Variants in RPS6KC1 observed in about 807,000 individuals in gnomAD.
RPS6KC1 encodes the protein ribosomal protein S6 kinase C1, also known as inactive ribosomal protein S6 kinase delta-1.
In RPS6KC1, 54 loss-of-function variants were observed where a neutral mutation model predicts 103.8. The observed-to-expected ratio is 0.52, with a 90% CI of 0.42 to 0.65. The LOEUF (loss-of-function observed/expected upper bound fraction) is 0.65. Among genes scored for constraint, RPS6KC1 ranks in the 30% least tolerant of loss-of-function variants. RPS6KC1 has a pLI of 0.00. For synonymous variants in RPS6KC1, 439 were observed against 438.7 expected, an observed-to-expected ratio of 1.00 and a Z score of -0.01; for missense variants, 1,151 against 1,253.8, an observed-to-expected ratio of 0.92 and a Z score of 1.24.
the RPS6KC1 span, among the ~76,000 whole-genome samples, chr1:213,316,886 T>C: frequency 6.2e-4 from 95 of 152,254 alleles, no homozygotes; most frequent in African/African-American, 1.9e-3. Flanking sequence ...AGGCATGTGC[T>C]TGGTGTTATC....
At chr1:213,169,502 A>G (rs895277876) in intron 7 of RPS6KC1, among the ~76,000 whole-genome samples, 1 of 152,020 alleles carries the variant, frequency 6.6e-6, no homozygotes, top group African/African-American at 2.4e-5. Flanking sequence ...ATTCTCTATC[A>G]TTGTTCTTTT....
At chr1:213,316,725 G>A in the RPS6KC1 span, among the ~76,000 whole-genome samples, 2 of 152,048 alleles carry the variant, frequency 1.3e-5, no homozygotes, top group African/African-American at 4.8e-5. Context: ...GTGTGTGTGT[G>A]TGTGTGTGTT....
At chr1:213,185,453 C>G (rs1334038095) in intron 8 of RPS6KC1, among the ~76,000 whole-genome samples, 4 of 152,064 alleles carry the variant, frequency 2.6e-5, no homozygotes. Context: ...TTGAGACCAG[C>G]CTGGCCAACA....
chr1:213,335,538 A>T, the RPS6KC1 span, among the ~76,000 whole-genome samples: 1 of 152,228 alleles, frequency 6.6e-6, no homozygotes, highest in South Asian at 2.1e-4. Context: ...AGGGCAGAAG[A>T]AGACTAATTT....
the RPS6KC1 span, among the ~76,000 whole-genome samples, chr1:213,720,594 A>G: frequency 6.7e-4 from 102 of 152,330 alleles, 2 homozygotes; most frequent in South Asian, 0.02. Context: ...AAAAAATGTC[A>G]GGAGAACTTG....
the RPS6KC1 span, among the ~76,000 whole-genome samples, chr1:213,696,502 CAAAAAAAAAAAAAAA>C: frequency 8.3e-6 from 1 of 120,934 alleles, no homozygotes; most frequent in African/African-American, 4.5e-5. Flanking sequence ...AACTCCGTCT[CAAAAAAAAAAAAAAA>C]AAAAAAAAAA....
chr1:213,361,515 G>A, the RPS6KC1 span, among the ~76,000 whole-genome samples: 2 of 152,360 alleles, frequency 1.3e-5, no homozygotes, highest in Admixed American at 6.5e-5. Context: ...CAGGTGAGGC[G>A]ATGCCTCGCC....
the RPS6KC1 span, among the ~76,000 whole-genome samples, chr1:213,541,297 A>G: frequency 1.3e-5 from 2 of 151,446 alleles, no homozygotes; most frequent in East Asian, 2.0e-4. Flanking sequence ...TGGTAACATC[A>G]AAGATCATTG....
the RPS6KC1 span, among the ~76,000 whole-genome samples, chr1:213,745,227 G>GTTTTTTTTTTTT: frequency 6.8e-6 from 1 of 147,724 alleles, no homozygotes. Flanking sequence ...GGAAGCTAGG[G>GTTTTTTTTTTTT]TTTTTTTTTT....
chr1:213,333,323 G>A, the RPS6KC1 span, among the ~76,000 whole-genome samples: 1 of 152,232 alleles, frequency 6.6e-6, no homozygotes, highest in Non-Finnish European at 1.5e-5. Flanking sequence ...AAAGCTGGAT[G>A]TGGTGGAATG....
At chr1:213,130,373 T>C (rs536605236) in intron 6 of RPS6KC1, among the ~76,000 whole-genome samples, 1 of 152,334 alleles carries the variant, frequency 6.6e-6, no homozygotes, top group Non-Finnish European at 1.5e-5. Context: ...ATGTGGGACA[T>C]GTAGAGCTGA....
At chr1:213,626,469 G>A in the RPS6KC1 span, among the ~76,000 whole-genome samples, 1 of 152,134 alleles carries the variant, frequency 6.6e-6, no homozygotes, top group Non-Finnish European at 1.5e-5. Flanking sequence ...TGTTGTCATT[G>A]CTTTTGGTGT....
the RPS6KC1 span, among the ~76,000 whole-genome samples, chr1:213,846,926 T>C: frequency 6.6e-6 from 1 of 152,220 alleles, no homozygotes; most frequent in Non-Finnish European, 1.5e-5. Flanking sequence ...CTTTGGGTGT[T>C]ATTTCAAACA....
At chr1:213,774,283 G>C in the RPS6KC1 span, among the ~76,000 whole-genome samples, 2 of 152,230 alleles carry the variant, frequency 1.3e-5, no homozygotes, top group Non-Finnish European at 2.9e-5. Context: ...GTTTAGGGCT[G>C]AAGGTAAACC....
At chr1:213,641,114 C>A in the RPS6KC1 span, among the ~76,000 whole-genome samples, 1 of 151,506 alleles carries the variant, frequency 6.6e-6, no homozygotes, top group Non-Finnish European at 1.5e-5. Flanking sequence ...TTTTTTAAAC[C>A]TGACATCCAC....
chr1:213,606,020 A>G, the RPS6KC1 span, among the ~76,000 whole-genome samples: 1 of 152,230 alleles, frequency 6.6e-6, no homozygotes, highest in Non-Finnish European at 1.5e-5. Flanking sequence ...TCCTGTACAT[A>G]AGGAATGTCT....
chr1:213,605,966 A>G, the RPS6KC1 span, among the ~76,000 whole-genome samples: 324 of 152,366 alleles, frequency 2.1e-3, 2 homozygotes, highest in African/African-American at 7.5e-3. Flanking sequence ...GGAGAGCTTG[A>G]AAAGAAGATT....
At chr1:213,054,031 T>TC (rs2077149799) in intron 1 of RPS6KC1, among the ~76,000 whole-genome samples, 1 of 152,048 alleles carries the variant, frequency 6.6e-6, no homozygotes, top group Admixed American at 6.6e-5. Context: ...AGACGAGGTT[T>TC]CGCCTTGTTG....
At chr1:213,589,764 C>G in the RPS6KC1 span, among the ~76,000 whole-genome samples, 1 of 152,092 alleles carries the variant, frequency 6.6e-6, no homozygotes, top group South Asian at 2.1e-4. Flanking sequence ...CTTCTAAGAT[C>G]CTGTTGGTCA....
Sources: gnomAD v4.1 joint callset for allele counts (sites outside exome capture counted in the v4.1 genomes callset) on GRCh38, gnomAD v4.1.1 for gene constraint, MANE v1.5 for transcripts, NCBI Gene and HGNC (gene_info 2026-07-23, HGNC 2026-07-21) for gene names.